PIEZO1: variants seen among roughly 807,000 people sequenced by gnomAD.
PIEZO1 encodes the protein piezo-type mechanosensitive ion channel component 1.
A neutral mutation model predicts 297.2 loss-of-function variants in PIEZO1; 296 were observed. The ratio of observed to expected loss-of-function variants is 1.00; its 90% CI spans 0.91 to 1.10. PIEZO1 has a LOEUF of 1.10. Among genes scored for constraint, PIEZO1 ranks in the 50% least tolerant of loss-of-function variants. The pLI is 0.00. For missense variants in PIEZO1, 5,018 were observed against 3,455.5 expected, an observed-to-expected ratio of 1.45 and a Z score of -11.34; for synonymous variants, 2,427 against 1,507.5, an observed-to-expected ratio of 1.61 and a Z score of -14.13.
chr16:88,776,072 G>A (rs917810119), intron 1 of PIEZO1, among the ~76,000 whole-genome samples: 2 of 152,226 alleles, frequency 1.3e-5, no homozygotes, highest in East Asian at 1.9e-4. Flanking sequence ...GGGGAGCGCA[G>A]GGGCAGTTTC....
chr16:88,717,443 GGGAACGGACAACCTTTTTCAA>G, intron 44 of PIEZO1: 1 of 632,840 alleles, frequency 1.6e-6, no homozygotes, highest in Non-Finnish European at 2.9e-6. Flanking sequence ...ACCGTTCAGT[GGGAACGGACAACCTTTTTCAA>G]CACGGTGCAG....
intron 17 of PIEZO1, 65 bp from the exon 18 acceptor site, chr16:88,733,810 G>A (rs1905034916): frequency 6.8e-7 from 1 of 1,472,346 alleles, no homozygotes; most frequent in Non-Finnish European, 9.0e-7. Context: ...GTGAGGAAGA[G>A]GCTCTGGAGC....
At position 88,722,369 on chromosome 16, in the gene PIEZO1, T is replaced by C; in HGVS notation, c.4804A>G (p.Ser1602Gly). The C allele has an allele frequency of 6.6e-7, 1 of 1,521,744 alleles. No individual in the cohort carries two copies. The highest frequency in any genetic ancestry group is 8.8e-7 in the Non-Finnish European group (1 of 1,131,650). 94.3% of individuals were successfully genotyped at this position (1,521,744 alleles called of 1,614,324 possible). ...SGLGAEEPLS[S>G]MTDDMGSPLS... ...GGGCTGCCCATGTCGTCTGTCATGC[T>C]GCTGAGTGGCTCCTCCGCGCCCAGC... Residue 1602 changes from serine (S) to glycine (G), a missense_variant, in exon 36 of 51, where the codon AGC becomes GGC. By Grantham distance (56) the Ser-to-Gly change is moderately conservative. Coordinates refer to ENST00000301015, the MANE Select transcript of PIEZO1 (RefSeq NM_001142864.4).
In PIEZO1 at chr16:88,749,349, AC is replaced by A. The variant is rs1906260742; in HGVS notation, c.160+34del. Reference sequence around the variant, plus strand: ...CCCAAACGAATGCCCACCCCCTCCCACCCTGAGAGCGTGGGCAGGGTCCCCT... The same window carrying A: ...CCCAAACGAATGCCCACCCCCTCCCACCTGAGAGCGTGGGCAGGGTCCCCT... On this transcript the variant is annotated intron_variant, in intron 2 of 50. Transcript: ENST00000301015. 7.3e-6 allele frequency: 10 copies of A among 1,376,828 alleles called. No individual in the cohort carries two copies. In the African/African-American group the frequency reaches 9.1e-5, roughly 12 times the overall value. The allele number at this position is 1,376,828 out of a possible 1,614,324, so 85.3% of individuals were successfully genotyped here.
chr16:88,733,141 C>T, intron 19 of PIEZO1, 137 bp downstream of exon 19: 1 of 811,460 alleles, frequency 1.2e-6, no homozygotes, highest in Non-Finnish European at 1.9e-6. Flanking sequence ...CAGGAAGCCC[C>T]CTTGGCGCCC....
At chr16:88,718,038 A>G (rs1479557398) in intron 44 of PIEZO1, 8 of 299,726 alleles carry the variant, frequency 2.7e-5, no homozygotes, top group Admixed American at 2.5e-4. Context: ...AGTGAAGGTC[A>G]TGCCACTGCA....
rs866069095 is a variant in PIEZO1, at chr16:88,722,865, C to T, written c.4640G>A (p.Arg1547His). ...CAGGAGCTCCTGTGTGAGGAGGTAGCGCTCTGCCCGCAGCACGTCGCTCAT... is the reference window on the plus strand; with the variant it reads ...CAGGAGCTCCTGTGTGAGGAGGTAGTGCTCTGCCCGCAGCACGTCGCTCAT... ...GTMSDVLRAE[R>H]YLLTQELLQG... The change falls in exon 34 of 51, where the codon CGC becomes CAC. Residue 1547 changes from arginine (R) to histidine (H), a missense_variant. By Grantham distance (29) the Arg-to-His change is conservative (BLOSUM62 0). Transcript: ENST00000301015. 9.7e-6 allele frequency: 15 copies of T among 1,547,624 alleles called. No homozygotes were observed. The highest frequency in any genetic ancestry group is 2.4e-5 in the East Asian group (1 of 40,928).
rs1257895122 is a variant in PIEZO1, at chr16:88,733,715, C to T, written c.2360G>A (p.Arg787Gln). 5 of 1,547,970 alleles carry T rather than the reference C, an allele frequency of 3.2e-6. No individual in the cohort carries two copies. The highest frequency in any genetic ancestry group is 1.7e-4 in the Middle Eastern group (1 of 5,972). ...GAAGCCGGCTGCCAGCTCCAGCAGC[C>T]GCTCAGCCACCAGGCCCCACTTGGC... Reference protein sequence around the residue: ...GAAKWGLVAERLLELAAGFSD... With the variant: ...GAAKWGLVAEQLLELAAGFSD... The change falls in exon 18 of 51, where the codon CGG becomes CAG. Residue 787 changes from arginine (R) to glutamine (Q), a missense_variant. Physicochemically the swap from Arg to Gln is conservative, Grantham distance 43 (BLOSUM62 1). Coordinates refer to ENST00000301015, the MANE Select transcript of PIEZO1 (RefSeq NM_001142864.4).
chr16:88,742,943 A>G, intron 2 of PIEZO1: 2 of 394,204 alleles, frequency 5.1e-6, no homozygotes, highest in South Asian at 3.6e-5. Flanking sequence ...AGGGGCTGCA[A>G]GGAGAAGTTG....
chr16:88,719,674 C>A lies in PIEZO1; in HGVS notation c.6371G>T (p.Trp2124Leu). The part of the protein sequence containing the change: ...FLVELRAVMD[W>L]VWTDTTLSLS... ...GGACAGCGTGGTGTCCGTCCACACC[C>A]AGTCCATCACTGCCCGCAGCTCCAC... The change falls in exon 44 of 51, where the codon TGG becomes TTG. Residue 2124 changes from tryptophan to leucine, a missense_variant. Transcript: ENST00000301015. 6.4e-7 allele frequency: 1 copy of A among 1,553,504 alleles called. No homozygotes were observed. The highest frequency in any genetic ancestry group is 8.7e-7 in the Non-Finnish European group (1 of 1,148,738).
Position 88,738,628 on chromosome 16 carries a change from C to G in PIEZO1, c.574G>C (p.Ala192Pro). The change falls in exon 6 of 51, where the codon GCC becomes CCC. Residue 192 changes from alanine (A) to proline (P), a missense_variant. Coordinates refer to ENST00000301015, the MANE Select transcript of PIEZO1 (RefSeq NM_001142864.4). ...SRLAARFRVT[A>P]HWLLVAAGRV... is the part of the protein sequence containing the mutation. Reference sequence around the variant, plus strand: ...CCAGCCGCCACCAGCAGCCAGTGGGCCGTGACTCGGAAACGAGCGGCCAGC... The same window carrying G: ...CCAGCCGCCACCAGCAGCCAGTGGGGCGTGACTCGGAAACGAGCGGCCAGC... The G allele has an allele frequency of 6.5e-7, 1 of 1,535,684 alleles. No individual in the cohort carries two copies. Among genetic ancestry groups the G allele is most frequent in the East Asian group, 2.4e-5 (1 of 40,912 alleles).
chr16:88,780,224 C>T (rs773670198), intron 1 of PIEZO1, among the ~76,000 whole-genome samples: 1 of 152,220 alleles, frequency 6.6e-6, no homozygotes, highest in Non-Finnish European at 1.5e-5. Flanking sequence ...GCCTTCACCC[C>T]GGGCCTGTCC....
At chr16:88,759,721 G>A (rs1906838028) in intron 1 of PIEZO1, among the ~76,000 whole-genome samples, 2 of 152,136 alleles carry the variant, frequency 1.3e-5, no homozygotes, top group African/African-American at 2.4e-5. Flanking sequence ...TTTTATGGAA[G>A]AAGAAGGCTG....
At position 88,725,700 on chromosome 16, in the gene PIEZO1, G is replaced by A. The variant is rs1307636871; in HGVS notation, c.3969-16C>T. On this transcript the variant is annotated splice_polypyrimidine_tract_variant and intron_variant, in intron 27 of 50. Transcript: ENST00000301015. ...GGCGAAGCCCCTGTAGGGAGGCGGG[G>A]ATGGGGTGTGAGCACCAGGCACTCG... 1.3e-5 allele frequency: 18 copies of A among 1,367,024 alleles called. No individual in the cohort carries two copies. The highest frequency in any genetic ancestry group is 1.7e-5 in the Non-Finnish European group (17 of 980,432). 84.7% of individuals were successfully genotyped at this position (1,367,024 alleles called of 1,614,324 possible).
intron 12 of PIEZO1, among the ~76,000 whole-genome samples, chr16:88,735,617 G>A (rs895299700): frequency 6.6e-6 from 1 of 152,262 alleles, no homozygotes; most frequent in Non-Finnish European, 1.5e-5. Flanking sequence ...AGGTGCATAT[G>A]TTGGCACACA....
chr16:88,767,486 C>G (rs927897378), intron 1 of PIEZO1, among the ~76,000 whole-genome samples: 1 of 152,186 alleles, frequency 6.6e-6, no homozygotes, highest in Admixed American at 6.5e-5. Flanking sequence ...GGAACTCCCC[C>G]ACTGCAGGTG....
chr16:88,731,551 G>A (rs1448931651), intron 22 of PIEZO1, 155 bp downstream of exon 22: 3 of 611,238 alleles, frequency 4.9e-6, no homozygotes, highest in Non-Finnish European at 8.7e-6. Flanking sequence ...GCAGGTGATG[G>A]CGCCTGGGTA....
In PIEZO1 at chr16:88,716,890, G is replaced by A. The variant is rs1912081315; in HGVS notation, c.6669C>T (p.Phe2223=). The A allele has an allele frequency of 1.3e-6, 2 of 1,549,888 alleles. No homozygotes were observed. The highest frequency in any genetic ancestry group is 1.2e-5 in the South Asian group (1 of 84,060). Residue 2223 remains phenylalanine (F), a synonymous_variant, in exon 46 of 51, where the codon TTC becomes TTT. Coordinates refer to ENST00000301015, the MANE Select transcript of PIEZO1 (RefSeq NM_001142864.4). ...TLKLGGYEPL[F]TMSAQQPSII... is the part of the protein sequence containing the mutation. ...TGGACGGCTGCTGGGCGCTCATGGT[G>A]AACAGCGGCTGGGGCAGGCACGGGG...
intron 18 of PIEZO1, 50 bp downstream of exon 18, chr16:88,733,538 C>A (rs1015300264): frequency 6.5e-7 from 1 of 1,527,726 alleles, no homozygotes; most frequent in African/African-American, 1.4e-5. Context: ...GCTGGGCAGG[C>A]CAGAGCGACC....
Sources: gnomAD v4.1 joint callset for allele counts (sites outside exome capture counted in the v4.1 genomes callset) on GRCh38, gnomAD v4.1.1 for gene constraint, MANE v1.5 for transcripts, NCBI Gene and HGNC (gene_info 2026-07-23, HGNC 2026-07-21) for gene names.